The following CLCF1 variants were observed in gnomAD, a reference collection of about 807,000 sequenced individuals.
CLCF1 encodes the protein cardiotrophin-like cytokine factor 1.
In CLCF1, 10 loss-of-function variants were observed where a neutral mutation model predicts 21.2. That is an observed-to-expected ratio of 0.47 (90% CI 0.29 to 0.80). The LOEUF (loss-of-function observed/expected upper bound fraction) is 0.80. Among genes scored for constraint, CLCF1 ranks in the 30% least tolerant of loss-of-function variants. The pLI is 0.09. For synonymous variants in CLCF1, 115 were observed against 120.5 expected, an observed-to-expected ratio of 0.95 and a Z score of 0.30; for missense variants, 240 against 293.4, an observed-to-expected ratio of 0.82 and a Z score of 1.33.
intron 1 of CLCF1, chr11:67,370,541 C>CCCCCCACGCCCTATCCTGG: frequency 1.0e-6 from 1 of 958,338 alleles, no homozygotes; most frequent in African/African-American, 2.3e-5. Context: ...CCTGCAACAG[C>CCCCCCACGCCCTATCCTGG]CCCCCACCCC....
chr11:67,371,961 A>G (rs1219568365), intron 1 of CLCF1, among the ~76,000 whole-genome samples: 1 of 151,996 alleles, frequency 6.6e-6, no homozygotes, highest in African/African-American at 2.4e-5. Context: ...CCGGGTGACA[A>G]TTGCCATCTC....
chr11:67,370,702 CAT>C (rs1218962932), intron 1 of CLCF1: 14 of 985,302 alleles, frequency 1.4e-5, no homozygotes, highest in African/African-American at 8.7e-5. Flanking sequence ...CCCGTGAGCA[CAT>C]GTCTTTAGCC....
chr11:67,369,209 C>T lies in CLCF1; in HGVS notation c.17-1583G>A, dbSNP rs752715806. 27 of 985,216 alleles carry T rather than the reference C, an allele frequency of 2.7e-5. No individual in the cohort carries two copies. In the East Asian group the frequency reaches 5.7e-4, roughly 21 times the overall value. The allele number at this position is 985,216 out of a possible 1,614,324, so 61.0% of individuals were successfully genotyped here. On this transcript the variant is annotated intron_variant, in intron 1 of 2. Transcript: ENST00000312438. Reference sequence around the variant, plus strand: ...GGAGGACAGGGGTCAGTGAGGACTTCGGCAGTGGCCCACCTGGTCAGTCTG... The same window carrying T: ...GGAGGACAGGGGTCAGTGAGGACTTTGGCAGTGGCCCACCTGGTCAGTCTG...
chr11:67,365,333 G>A lies in CLCF1; in HGVS notation c.481C>T (p.Pro161Ser), dbSNP rs78755659. ...CAAGTGGGTTCAGTCCCAGGCAGCGGCTGGGGCAGTGGGTAGCCCAGAGCT... is the reference window on the plus strand; with the variant it reads ...CAAGTGGGTTCAGTCCCAGGCAGCGACTGGGGCAGTGGGTAGCCCAGAGCT... The part of the protein sequence containing the change: ...MAALGYPLPQ[P>S]LPGTEPTWTP... Residue 161 changes from proline to serine, a missense_variant, in exon 3 of 3, where the codon CCG becomes TCG. Physicochemically the swap from Pro to Ser is moderately conservative, Grantham distance 74 (BLOSUM62 -1). Coordinates refer to ENST00000312438, the MANE Select transcript of CLCF1 (RefSeq NM_013246.3). The surrounding 1 kb of genome is among the most constrained non-coding windows in gnomAD (Gnocchi z 5.0). The A allele has an allele frequency of 0.013, 20,297 of 1,613,520 alleles. 282 individuals carry two copies. Among genetic ancestry groups the A allele is most frequent in the South Asian group, 0.034 (3,062 of 91,082 alleles).
chr11:67,368,076 G>C, intron 1 of CLCF1: 1 of 985,420 alleles, frequency 1.0e-6, no homozygotes, highest in Non-Finnish European at 1.2e-6. Flanking sequence ...GACAGCACAT[G>C]TCAGAGCTGG....
At chr11:67,367,003 G>GC (rs1333791780) in intron 2 of CLCF1, among the ~76,000 whole-genome samples, 2 of 152,158 alleles carry the variant, frequency 1.3e-5, no homozygotes, top group African/African-American at 4.8e-5. Flanking sequence ...AGGAGGCCCA[G>GC]CTAGGATGGG....
In CLCF1 at chr11:67,365,588, G is replaced by A. The variant is rs765776881; in HGVS notation, c.226C>T (p.Pro76Ser). ...AGAGTCTCTGCCCCCAGGCGGGGAG[G>A]GTTGAAGTCTGGCTCGTTGAAAGGG... ...GPPFNEPDFN[P>S]PRLGAETLPR... Residue 76 changes from proline (P) to serine (S), a missense_variant, in exon 3 of 3, where the codon CCT (proline) becomes TCT (serine). Physicochemically the swap from Pro to Ser is moderately conservative, Grantham distance 74 (BLOSUM62 -1). Transcript: ENST00000312438. The surrounding 1 kb of genome is among the most constrained non-coding windows in gnomAD (Gnocchi z 5.0). 5.0e-6 allele frequency: 8 copies of A among 1,613,298 alleles called. No homozygotes were observed. The highest frequency in any genetic ancestry group is 6.8e-6 in the Non-Finnish European group (8 of 1,179,382).
rs1339951016 is a variant in CLCF1, at chr11:67,365,199, G to C, written c.615C>G (p.Leu205=). ...CTGCTGGAGGCTGCATCTTCTTCTT[G>C]AGCCGGTTGAAGTCCTTGGCCGAGC... ...LWRSAKDFNR[L]KKKMQPPAAA... Residue 205 remains leucine (L), a synonymous_variant, in exon 3 of 3, where the codon CTC becomes CTG. Coordinates refer to ENST00000312438, the MANE Select transcript of CLCF1 (RefSeq NM_013246.3). This position sits in a 1 kb window ranked among gnomAD's most constrained non-coding sequence, Gnocchi z 5.0. 7 of 1,614,066 alleles carry C rather than the reference G, an allele frequency of 4.3e-6. No homozygotes were observed. The highest frequency in any genetic ancestry group is 5.9e-6 in the Non-Finnish European group (7 of 1,180,040).
At chr11:67,368,825 G>A in intron 1 of CLCF1, 9 of 983,998 alleles carry the variant, frequency 9.1e-6, no homozygotes, top group Non-Finnish European at 1.1e-5. Flanking sequence ...TGCTTGTCAT[G>A]TTATGAAGAG....
At position 67,372,662 on chromosome 11, in the gene CLCF1, C is replaced by G. The variant is rs1172715861; in HGVS notation, c.16+862G>C. ...CGGGGGCGGGGTCCGGGGCACCGGG[C>G]TCCGGGCTCTGCCCGGCGCTGCCCT... On this transcript the variant is annotated intron_variant, in intron 1 of 2. Coordinates refer to ENST00000312438, the MANE Select transcript of CLCF1 (RefSeq NM_013246.3). The surrounding 1 kb of genome is among the most constrained non-coding windows in gnomAD (Gnocchi z 5.9). Among the ~76,000 whole-genome samples, 2 of 149,298 alleles carry G rather than the reference C, an allele frequency of 1.3e-5. No individual in the cohort carries two copies. The highest frequency in any genetic ancestry group is 4.9e-5 in the African/African-American group (2 of 40,782).
Position 67,365,116 on chromosome 11 carries a change from G to A in CLCF1, c.*20C>T, listed in dbSNP as rs370600571. ...TGGGAGCAGGGTTTGAAGGGGGAGC[G>A]AAGAGGAGAAGGTCAGAAGTCAGAA... is the stretch of plus-strand genomic sequence containing the variant. On this transcript the variant is annotated 3_prime_UTR_variant, in exon 3 of 3. Transcript: ENST00000312438. The surrounding 1 kb of genome is among the most constrained non-coding windows in gnomAD (Gnocchi z 5.0). The A allele has an allele frequency of 1.0e-4, 164 of 1,613,316 alleles. No individual in the cohort carries two copies. The highest frequency in any genetic ancestry group is 5.1e-4 in the African/African-American group (38 of 75,048).
chr11:67,372,975 GCCAGGCTCGGCGCTGCC>G lies in CLCF1; in HGVS notation c.16+532_16+548del, dbSNP rs926480761. On this transcript the variant is annotated intron_variant, in intron 1 of 2. Coordinates refer to ENST00000312438, the MANE Select transcript of CLCF1 (RefSeq NM_013246.3). The surrounding 1 kb of genome is among the most constrained non-coding windows in gnomAD (Gnocchi z 5.9). Reference sequence around the variant, plus strand: ...GGCTCGGCCCGTCCGGCCCGGCCCAGCCAGGCTCGGCGCTGCCCTCCGCCCTCCTCTCCGCCGCCCGC... The same window carrying G: ...GGCTCGGCCCGTCCGGCCCGGCCCAGCTCCGCCCTCCTCTCCGCCGCCCGC... Among the ~76,000 whole-genome samples, 7 of 149,886 alleles carry G rather than the reference GCCAGGCTCGGCGCTGCC, an allele frequency of 4.7e-5. No homozygotes were observed. Among genetic ancestry groups the G allele is most frequent in the African/African-American group, 7.3e-5 (3 of 40,942 alleles).
At chr11:67,369,370 G>C (rs1415439604) in intron 1 of CLCF1, 1 of 984,570 alleles carries the variant, frequency 1.0e-6, no homozygotes, top group Non-Finnish European at 1.2e-6. Context: ...AGTAGGGTCA[G>C]GCACTCAACT....
chr11:67,369,993 A>G, intron 1 of CLCF1: 1 of 985,392 alleles, frequency 1.0e-6, no homozygotes, highest in Non-Finnish European at 1.2e-6. Flanking sequence ...GTTCTGAGGT[A>G]ACTGTGTCGT....
At chr11:67,371,986 T>G (rs1862245492) in intron 1 of CLCF1, among the ~76,000 whole-genome samples, 1 of 151,938 alleles carries the variant, frequency 6.6e-6, no homozygotes, top group South Asian at 2.1e-4. Flanking sequence ...TCCTCCCCGG[T>G]GGAGCGTGTG....
At chr11:67,368,415 A>T in intron 1 of CLCF1, 1 of 985,292 alleles carries the variant, frequency 1.0e-6, no homozygotes, top group South Asian at 4.7e-5. Context: ...AGAGAGGTGC[A>T]TTTGACGAGT....
At chr11:67,369,607 C>G in intron 1 of CLCF1, 1 of 985,458 alleles carries the variant, frequency 1.0e-6, no homozygotes, top group Admixed American at 6.1e-5. Context: ...GATTGGAGAC[C>G]TGCTGAATTG....
chr11:67,364,994 C>A lies in CLCF1; in HGVS notation c.*142G>T. ...GGTGGGGAGGAGACAGGGCTGATCG[C>A]ATCACACGCCCAGCCGGTCCAGGAA... is the stretch of plus-strand genomic sequence containing the variant. On this transcript the variant is annotated 3_prime_UTR_variant, in exon 3 of 3. Transcript: ENST00000312438. 6 of 1,392,536 alleles carry A rather than the reference C, an allele frequency of 4.3e-6. No individual in the cohort carries two copies. The highest frequency in any genetic ancestry group is 5.9e-6 in the Non-Finnish European group (6 of 1,021,522). The allele number at this position is 1,392,536 out of a possible 1,614,324, so 86.3% of individuals were successfully genotyped here.
At chr11:67,373,437 G>T in intron 1 of CLCF1, 87 bp downstream of exon 1, 1 of 713,732 alleles carries the variant, frequency 1.4e-6, no homozygotes, top group Non-Finnish European at 2.1e-6. Context: ...CCGGCGCGGG[G>T]CTCCCGGGGG....
Sources: allele counts gnomAD v4.1 joint callset (sites outside exome capture counted in the v4.1 genomes callset), GRCh38; gene constraint gnomAD v4.1.1; non-coding constraint Gnocchi (gnomAD v3.1); transcripts MANE v1.5; gene names NCBI Gene and HGNC (gene_info 2026-07-23, HGNC 2026-07-21).